The following CHD5 variants were observed in gnomAD, a reference collection of about 807,000 sequenced individuals.
CHD5 encodes ATP-dependent chromatin remodeler CHD5.
CHD5 carries 69 observed loss-of-function variants against 230.3 expected under a neutral mutation model. The ratio of observed to expected loss-of-function variants is 0.30; its 90% CI spans 0.25 to 0.37. The LOEUF (loss-of-function observed/expected upper bound fraction) is 0.37. CHD5 is among the 10% of genes least tolerant of loss of function. The probability of loss-of-function intolerance (pLI) is 1.00; values close to 1 mark genes in which losing one functional copy is unlikely to be tolerated. For missense variants in CHD5, 1,827 were observed against 2,622.8 expected (o/e 0.70, Z 6.63); for synonymous variants, 1,064 against 1,065.9 (o/e 1.00, Z 0.03).
rs775033759 is a variant in CHD5, at chr1:6,136,913, G to T, written c.2437-48C>A. 9.7e-6 allele frequency: 15 copies of T among 1,549,706 alleles called. No homozygotes were observed. The East Asian group carries it at 1.6e-4, about 16-fold the overall frequency. ...GGATGAGACGGCTGGGAGCAGAGCG[G>T]ATCACAGTCCCAGGAGACAAAGAGC... On this transcript the variant is annotated intron_variant, in intron 15 of 41. Transcript: ENST00000262450.
At position 6,123,970 on chromosome 1, in the gene CHD5, C is replaced by G. The variant is rs372054471; in HGVS notation, c.4677G>C (p.Leu1559=). The change falls in exon 31 of 42, where the codon CTG becomes CTC. Residue 1559 remains leucine, a synonymous_variant. Coordinates refer to ENST00000262450, the MANE Select transcript of CHD5 (RefSeq NM_015557.3). ...GACCTGGCAGGCCCAGCGGGGCTGGCAGGAGGTGGGCAGGGCTGGCGGGCA... is the reference window on the plus strand; with the variant it reads ...GACCTGGCAGGCCCAGCGGGGCTGGGAGGAGGTGGGCAGGGCTGGCGGGCA... ...TPVPASPAHL[L]PAPLGLPDKM... 2.5e-6 allele frequency: 4 copies of G among 1,593,036 alleles called. No homozygotes were observed. Among genetic ancestry groups the G allele is most frequent in the Non-Finnish European group, 3.4e-6 (4 of 1,172,264 alleles).
At position 6,112,973 on chromosome 1, in the gene CHD5, C is replaced by T; in HGVS notation, c.4938G>A (p.Lys1646=). ...PREEVLPEKE[K]ILDKLELSLI... ...AGCTCAGCTCCAGCTTGTCCAGGAT[C>T]TTCTCCTTCTCAGGAAGCACCTCCT... Residue 1646 remains lysine (K), a synonymous_variant, in exon 34 of 42, where the codon AAG becomes AAA. Transcript: ENST00000262450. 6.2e-7 allele frequency: 1 copy of T among 1,613,916 alleles called. No homozygotes were observed. Among genetic ancestry groups the T allele is most frequent in the Non-Finnish European group, 8.5e-7 (1 of 1,179,840 alleles).
Position 6,123,989 on chromosome 1 carries a change from G to A in CHD5, c.4658C>T (p.Ala1553Val), listed in dbSNP as rs570770301. The A allele has an allele frequency of 6.2e-7, 1 of 1,607,910 alleles. No individual in the cohort carries two copies. Among genetic ancestry groups the A allele is most frequent in the South Asian group, 1.1e-5 (1 of 90,198 alleles). ...ISSDPNTPVP[A>V]SPAHLLPAPL... ...GGCTGGCAGGAGGTGGGCAGGGCTGGCGGGCACTGGTGTGTTGGGGTCCGA... is the reference window on the plus strand; with the variant it reads ...GGCTGGCAGGAGGTGGGCAGGGCTGACGGGCACTGGTGTGTTGGGGTCCGA... The change falls in exon 31 of 42, where the codon GCC becomes GTC. Residue 1553 changes from alanine (A) to valine (V), a missense_variant. Transcript: ENST00000262450.
In CHD5 at chr1:6,154,602, G is replaced by A. The variant is rs974953739; in HGVS notation, c.745+58C>T. ...CGTCTGCCCCGTGGCTTCTCCTATAGGGTCTGAAAGGGACCTCTTCCCAGC... is the reference window on the plus strand; with the variant it reads ...CGTCTGCCCCGTGGCTTCTCCTATAAGGTCTGAAAGGGACCTCTTCCCAGC... On this transcript the variant is annotated intron_variant, in intron 5 of 41. Transcript: ENST00000262450. The surrounding 1 kb of genome is among the most constrained non-coding windows in gnomAD (Gnocchi z 7.0). 4 of 1,479,698 alleles carry A rather than the reference G, an allele frequency of 2.7e-6. No individual in the cohort carries two copies. Among genetic ancestry groups the A allele is most frequent in the Admixed American group, 4.5e-5 (2 of 44,438 alleles). The allele number at this position is 1,479,698 out of a possible 1,614,324, so 91.7% of individuals were successfully genotyped here.
chr1:6,124,660 C>T lies in CHD5; in HGVS notation c.4396G>A (p.Ala1466Thr). The T allele has an allele frequency of 3.0e-6, 1 of 333,338 alleles. No individual in the cohort carries two copies. The highest frequency in any genetic ancestry group is 4.8e-6 in the Non-Finnish European group (1 of 207,784). 20.6% of individuals were successfully genotyped at this position (333,338 alleles called of 1,614,324 possible). The change falls in exon 30 of 42, where the codon GCC becomes ACC. Residue 1466 changes from alanine to threonine, a missense_variant and splice_region_variant. Physicochemically the swap from Ala to Thr is moderately conservative, Grantham distance 58. Coordinates refer to ENST00000262450, the MANE Select transcript of CHD5 (RefSeq NM_015557.3). ...LRGKSEKEFRAYVSLFMRHLC... is the reference protein window; with the variant it reads ...LRGKSEKEFRTYVSLFMRHLC... ...TGCCGCATGAAGAGGGACACATAGG[C>T]TCTGGGGTGGGGGGGGGGGACTGGG...
intron 3 of CHD5, among the ~76,000 whole-genome samples, chr1:6,157,512 C>T: frequency 6.6e-6 from 1 of 152,222 alleles, no homozygotes; most frequent in Non-Finnish European, 1.5e-5. Context: ...CCCACACATC[C>T]CTCTACTGCC....
At position 6,111,775 on chromosome 1, in the gene CHD5, G is replaced by C; in HGVS notation, c.5249C>G (p.Thr1750Arg). ...CCCAGCCCGGCCTGGCCAAGGATAC[G>C]TCACGATGCCCGCCAGCAGCCAGTA... Reference protein sequence around the residue: ...HDYWLLAGIVTHGYARWQDIQ... With the variant: ...HDYWLLAGIVRHGYARWQDIQ... The change falls in exon 36 of 42, where the codon ACG (threonine) becomes AGG (arginine). Residue 1750 changes from threonine (T) to arginine (R), a missense_variant and splice_region_variant. By Grantham distance (71) the Thr-to-Arg change is moderately conservative. Transcript: ENST00000262450. The C allele has an allele frequency of 6.2e-7, 1 of 1,613,008 alleles. No homozygotes were observed. The highest frequency in any genetic ancestry group is 8.5e-7 in the Non-Finnish European group (1 of 1,179,724).
rs1029581339 is a variant in CHD5, at chr1:6,121,160, C to T, written c.4857G>A (p.Glu1619=). Reference sequence around the variant, plus strand: ...CCTTCTCCGTCTCCTCTGGCCGCTCCTCTCGGGCTCTCTCCTTGCTGGCTG... The same window carrying T: ...CCTTCTCCGTCTCCTCTGGCCGCTCTTCTCGGGCTCTCTCCTTGCTGGCTG... The part of the protein sequence containing the change: ...ESPASKERAR[E]ERPEETEKAP... Residue 1619 remains glutamate (E), a synonymous_variant, in exon 33 of 42, where the codon GAG becomes GAA. Transcript: ENST00000262450. The surrounding 1 kb of genome is among the most constrained non-coding windows in gnomAD (Gnocchi z 4.5). 3.1e-6 allele frequency: 5 copies of T among 1,613,996 alleles called. No individual in the cohort carries two copies. Among genetic ancestry groups the T allele is most frequent in the Non-Finnish European group, 3.4e-6 (4 of 1,179,954 alleles).
chr1:6,149,468 C>T lies in CHD5; in HGVS notation c.995-56G>A, dbSNP rs1666966009. 2.6e-6 allele frequency: 4 copies of T among 1,534,182 alleles called. No individual in the cohort carries two copies. In the Admixed American group the frequency reaches 5.4e-5, roughly 21 times the overall value. On this transcript the variant is annotated intron_variant, in intron 7 of 41. Transcript: ENST00000262450. Reference sequence around the variant, plus strand: ...CCTCATCCACACTCCCAGCACACAACCAACTGCATCGCCCCAGGCCAGACA... The same window carrying T: ...CCTCATCCACACTCCCAGCACACAATCAACTGCATCGCCCCAGGCCAGACA...
intron 16 of CHD5, 37 bp from the exon 17 acceptor site, chr1:6,136,675 G>A: frequency 6.2e-7 from 1 of 1,612,450 alleles, no homozygotes; most frequent in East Asian, 2.2e-5. Flanking sequence ...AGGGGGCTCT[G>A]GGCGGCCCCT....
chr1:6,137,371 T>C (rs1241345290), intron 15 of CHD5, among the ~76,000 whole-genome samples: 2 of 152,214 alleles, frequency 1.3e-5, no homozygotes, highest in Admixed American at 6.5e-5. Context: ...CCTCCCATAG[T>C]GTTGGGATTA....
Position 6,146,188 on chromosome 1 carries a change from G to A in CHD5, c.1802+24C>T. The A allele has an allele frequency of 6.2e-7, 1 of 1,608,790 alleles. No homozygotes were observed. ...CGTGGCCCGGCCCCAGCGATGGGCA[G>A]GGTGGCCGCCTGCAGGCACACACCT... On this transcript the variant is annotated intron_variant, in intron 11 of 41. Transcript: ENST00000262450. The surrounding 1 kb of genome is among the most constrained non-coding windows in gnomAD (Gnocchi z 5.1).
At chr1:6,150,142 G>A (rs1666979569) in intron 7 of CHD5, among the ~76,000 whole-genome samples, 1 of 151,896 alleles carries the variant, frequency 6.6e-6, no homozygotes, top group Non-Finnish European at 1.5e-5. Context: ...ATGGATGGAT[G>A]GGTGGACAAA....
intron 13 of CHD5, 107 bp downstream of exon 13, chr1:6,143,716 G>T: frequency 1.0e-6 from 1 of 1,001,766 alleles, no homozygotes; most frequent in Non-Finnish European, 1.5e-6. Context: ...AAGCCATGAG[G>T]GCCCAAGGAA....
Position 6,146,112 on chromosome 1 carries a change from A to C in CHD5, c.1802+100T>G. 1 of 1,197,254 alleles carries C rather than the reference A, an allele frequency of 8.4e-7. No individual in the cohort carries two copies. The highest frequency in any genetic ancestry group is 2.0e-5 in the Admixed American group (1 of 50,988). 74.2% of individuals were successfully genotyped at this position (1,197,254 alleles called of 1,614,324 possible). Reference sequence around the variant, plus strand: ...TGGTTCTGCACGGCAGCCCCAAAGCAAGGGCCCTGGCACCCTGCGCTGCAC... The same window carrying C: ...TGGTTCTGCACGGCAGCCCCAAAGCCAGGGCCCTGGCACCCTGCGCTGCAC... On this transcript the variant is annotated intron_variant, in intron 11 of 41. Transcript: ENST00000262450. The surrounding 1 kb of genome is among the most constrained non-coding windows in gnomAD (Gnocchi z 5.1).
In CHD5 at chr1:6,126,689, C is replaced by T; in HGVS notation, c.3961G>A (p.Glu1321Lys). 1 of 1,614,078 alleles carries T rather than the reference C, an allele frequency of 6.2e-7. No individual in the cohort carries two copies. Among genetic ancestry groups the T allele is most frequent in the Non-Finnish European group, 8.5e-7 (1 of 1,179,998 alleles). The change falls in exon 26 of 42, where the codon GAG becomes AAG. Residue 1321 changes from glutamate to lysine, a missense_variant. By Grantham distance (56) the Glu-to-Lys change is moderately conservative. Coordinates refer to ENST00000262450, the MANE Select transcript of CHD5 (RefSeq NM_015557.3). The surrounding 1 kb of genome is among the most constrained non-coding windows in gnomAD (Gnocchi z 5.7). ...TCATAGTGGTGCCGCAGCAGCTTCT[C>T]CCAGTAGTCGGGGTCCACGTTCTCC... is the stretch of plus-strand genomic sequence containing the variant. ...QEENVDPDYW[E>K]KLLRHHYEQQ...
At chr1:6,107,095 C>G (rs538602760) in intron 38 of CHD5, among the ~76,000 whole-genome samples, 4 of 43,400 alleles carry the variant, frequency 9.2e-5, no homozygotes, top group Admixed American at 2.7e-4. Flanking sequence ...GAAGGACGGA[C>G]GAATGGAGGG....
intron 3 of CHD5, among the ~76,000 whole-genome samples, chr1:6,158,940 A>G (rs61488051): frequency 0.2 from 24,691 of 124,250 alleles, 3,084 homozygotes; most frequent in African/African-American, 0.38. Flanking sequence ...CCGGGAGGCG[A>G]AGCTTGCAGT....
chr1:6,172,609 G>A (rs1402308923), intron 1 of CHD5, among the ~76,000 whole-genome samples: 1 of 152,128 alleles, frequency 6.6e-6, no homozygotes, highest in Non-Finnish European at 1.5e-5. Context: ...TTTGAACACA[G>A]GCAGTGGGCG....
Sources: gnomAD v4.1 joint callset for allele counts (sites outside exome capture counted in the v4.1 genomes callset) on GRCh38, gnomAD v4.1.1 for gene constraint, Gnocchi (gnomAD v3.1) non-coding constraint, MANE v1.5 for transcripts, NCBI Gene and HGNC (gene_info 2026-07-23, HGNC 2026-07-21) for gene names.